The following PTPRQ variants were observed in gnomAD, a reference collection of about 807,000 sequenced individuals.
PTPRQ encodes the protein phosphatidylinositol phosphatase PTPRQ.
In PTPRQ, 199 loss-of-function variants were observed where a neutral mutation model predicts 246.0. That is an observed-to-expected ratio of 0.81 (90% confidence interval 0.72 to 0.91). The LOEUF is 0.91. Among genes scored for constraint, PTPRQ ranks in the 40% least tolerant of loss-of-function variants. PTPRQ has a pLI of 0.00. For synonymous variants in PTPRQ, 869 were observed against 853.2 expected, an observed-to-expected ratio of 1.02 and a Z score of -0.32; for missense variants, 2,624 against 2,528.4, an observed-to-expected ratio of 1.04 and a Z score of -0.81.
chr12:80,619,335 T>A, intron 30 of PTPRQ, 49 bp from the exon 31 acceptor site: 1 of 1,511,424 alleles, frequency 6.6e-7, no homozygotes, highest in Non-Finnish European at 8.9e-7. Context: ...TTTCTTTTGT[T>A]GATGAAACAA....
At position 80,493,344 on chromosome 12, in the gene PTPRQ, T is replaced by C. The variant is rs1243619644; in HGVS notation, c.1429T>C (p.Ser477Pro). Residue 477 changes from serine to proline, a missense_variant, in exon 10 of 45, where the codon TCA (serine) becomes CCA (proline). Physicochemically the swap from Ser to Pro is moderately conservative, Grantham distance 74. Transcript: ENST00000644991. Reference protein sequence around the residue: ...VEPMVGLYEGSAEMSSDLHSL... With the variant: ...VEPMVGLYEGPAEMSSDLHSL... Reference sequence around the variant, plus strand: ...GCCAATGGTAGGATTATATGAGGGTTCAGCAGAGATGTCGTCTGACCTTCA... The same window carrying C: ...GCCAATGGTAGGATTATATGAGGGTCCAGCAGAGATGTCGTCTGACCTTCA... 1.3e-6 allele frequency: 2 copies of C among 1,549,952 alleles called. No homozygotes were observed. The highest frequency in any genetic ancestry group is 2.4e-5 in the East Asian group (1 of 40,858).
intron 26 of PTPRQ, among the ~76,000 whole-genome samples, chr12:80,592,784 C>T (rs765543941): frequency 1.4e-4 from 22 of 152,002 alleles, no homozygotes; most frequent in Non-Finnish European, 2.5e-4. Flanking sequence ...CTGATGCGGG[C>T]GGATCATTTG....
chr12:80,501,515 G>A (rs757936700), intron 14 of PTPRQ, among the ~76,000 whole-genome samples: 7 of 151,838 alleles, frequency 4.6e-5, no homozygotes, highest in Non-Finnish European at 8.8e-5. Flanking sequence ...TTAAAGCTCA[G>A]GGAAAAGATA....
In PTPRQ at chr12:80,541,637, A is replaced by G. The variant is rs1896156297; in HGVS notation, c.3237A>G (p.Gln1079=). The G allele has an allele frequency of 1.3e-6, 2 of 1,549,700 alleles. No homozygotes were observed. Among genetic ancestry groups the G allele is most frequent in the South Asian group, 1.2e-5 (1 of 83,602 alleles). Residue 1079 remains glutamine (Q), a synonymous_variant, in exon 21 of 45, where the codon CAA becomes CAG. Transcript: ENST00000644991. Reference sequence around the variant, plus strand: ...ATGTAAGCTGGGTCCCACCGGCTCAACCAAACGGTCTAGTCTTCTACTATG... The same window carrying G: ...ATGTAAGCTGGGTCCCACCGGCTCAGCCAAACGGTCTAGTCTTCTACTATG... ...AINVSWVPPA[Q]PNGLVFYYVS...
Position 80,588,445 on chromosome 12 carries a change from G to C in PTPRQ, c.4602G>C (p.Leu1534=). 1 of 1,478,992 alleles carries C rather than the reference G, an allele frequency of 6.8e-7. No homozygotes were observed. The highest frequency in any genetic ancestry group is 1.4e-5 in the South Asian group (1 of 69,762). 91.6% of individuals were successfully genotyped at this position (1,478,992 alleles called of 1,614,324 possible). Residue 1534 remains leucine (L), a synonymous_variant, in exon 26 of 45, where the codon CTG becomes CTC. Transcript: ENST00000644991. ...NASNWISTKT[L]PGPPDGPPEN... The stretch of plus-strand genomic sequence containing the variant: ...CAAACTGGATTTCTACAAAAACTCT[G>C]CCTGGCCGTGAGTATTGTCCTGACA...
intron 35 of PTPRQ, among the ~76,000 whole-genome samples, chr12:80,640,025 C>CGT (rs149812346): frequency 0.11 from 15,465 of 142,856 alleles, 805 homozygotes; most frequent in South Asian, 0.19. Flanking sequence ...TGAAGATACA[C>CGT]GTGTGTGTGT....
chr12:80,614,567 A>T (rs1898678718), intron 29 of PTPRQ, among the ~76,000 whole-genome samples: 1 of 150,910 alleles, frequency 6.6e-6, no homozygotes. Context: ...GTATAAAATG[A>T]ATATATTTAC....
At chr12:80,612,617 A>T (rs1423007709) in intron 28 of PTPRQ, among the ~76,000 whole-genome samples, 3 of 150,466 alleles carry the variant, frequency 2.0e-5, no homozygotes, top group Admixed American at 6.7e-5. Flanking sequence ...AATGGAAAAT[A>T]ATTTTGCAGC....
intron 12 of PTPRQ, among the ~76,000 whole-genome samples, chr12:80,495,642 G>C (rs900877993): frequency 6.6e-6 from 1 of 152,036 alleles, no homozygotes; most frequent in African/African-American, 2.4e-5. Context: ...AAGGAATACT[G>C]TATCTGGTAT....
chr12:80,526,986 C>T (rs910190393), intron 17 of PTPRQ, among the ~76,000 whole-genome samples: 2 of 151,920 alleles, frequency 1.3e-5, no homozygotes, highest in African/African-American at 4.8e-5. Flanking sequence ...AAATAAAAAG[C>T]CTCTACTAAA....
At chr12:80,602,881 AC>A (rs1898190164) in intron 26 of PTPRQ, among the ~76,000 whole-genome samples, 2 of 151,898 alleles carry the variant, frequency 1.3e-5, no homozygotes, top group South Asian at 4.1e-4. Flanking sequence ...CAATTTAAAA[AC>A]AAAGACAGAA....
At chr12:80,648,251 A>T (rs975414539) in intron 35 of PTPRQ, among the ~76,000 whole-genome samples, 3 of 152,002 alleles carry the variant, frequency 2.0e-5, no homozygotes, top group Non-Finnish European at 2.9e-5. Context: ...TGCAGTGCTA[A>T]TTTGTTGTGC....
intron 25 of PTPRQ, among the ~76,000 whole-genome samples, chr12:80,552,645 T>TTATATATATATATATATA (rs71094985): frequency 1.3e-5 from 1 of 76,500 alleles, no homozygotes; most frequent in African/African-American, 5.0e-5. Context: ...AAAAAAAAAA[T>TTATATATATATATATATA]TATATATATA....
At chr12:80,523,010 G>A (rs112925146) in intron 17 of PTPRQ, among the ~76,000 whole-genome samples, 105 of 152,194 alleles carry the variant, frequency 6.9e-4, no homozygotes, top group Middle Eastern at 3.4e-3. Context: ...TTTTTGGTTG[G>A]TAAGCTATTA....
chr12:80,476,109 T>G (rs1893802596), intron 8 of PTPRQ, among the ~76,000 whole-genome samples: 1 of 151,858 alleles, frequency 6.6e-6, no homozygotes, highest in Non-Finnish European at 1.5e-5. Flanking sequence ...GTGCCAGATC[T>G]CCTCTGACTT....
chr12:80,533,181 T>G (rs1175159206), intron 17 of PTPRQ, among the ~76,000 whole-genome samples: 1 of 152,056 alleles, frequency 6.6e-6, no homozygotes, highest in Non-Finnish European at 1.5e-5. Context: ...TAATGCACAT[T>G]TTTCAGCATC....
At chr12:80,578,806 T>G (rs1193790735) in intron 25 of PTPRQ, among the ~76,000 whole-genome samples, 1 of 152,236 alleles carries the variant, frequency 6.6e-6, no homozygotes, top group East Asian at 1.9e-4. Flanking sequence ...GAAATGTATC[T>G]TTGGTTTCAG....
intron 17 of PTPRQ, among the ~76,000 whole-genome samples, chr12:80,530,586 A>T (rs1895816162): frequency 6.6e-6 from 1 of 152,216 alleles, no homozygotes; most frequent in South Asian, 2.1e-4. Flanking sequence ...AAAAACCATA[A>T]ATAAGTTTAT....
intron 25 of PTPRQ, among the ~76,000 whole-genome samples, chr12:80,579,943 A>G (rs1021253740): frequency 1.3e-5 from 2 of 152,162 alleles, no homozygotes; most frequent in Non-Finnish European, 2.9e-5. Flanking sequence ...AAAAGAGAGT[A>G]CATCTGTTCC....
Sources: gnomAD v4.1 joint callset for allele counts (sites outside exome capture counted in the v4.1 genomes callset) on GRCh38, gnomAD v4.1.1 for gene constraint, MANE v1.5 for transcripts, NCBI Gene and HGNC (gene_info 2026-07-23, HGNC 2026-07-21) for gene names.